The following EWSR1 variants were observed in gnomAD, a reference collection of about 807,000 sequenced individuals.
EWSR1 encodes EWS RNA binding protein 1, also known as RNA-binding protein EWS.
Under a neutral mutation model 92.1 loss-of-function variants are expected in EWSR1, and 14 were observed. The observed-to-expected ratio is 0.15, with a 90% CI of 0.10 to 0.24. The LOEUF (loss-of-function observed/expected upper bound fraction) is 0.24. Ranked by LOEUF, EWSR1 falls within the 10% of genes least tolerant of loss-of-function variation. EWSR1 has a pLI of 1.00. For synonymous variants in EWSR1, 303 were observed against 292.9 expected (o/e 1.03, Z -0.35); for missense variants, 637 against 870.9 (o/e 0.73, Z 3.38).
Position 29,292,263 on chromosome 22 carries a change from C to T in EWSR1, c.1045+94C>T, listed in dbSNP as rs2060495650. 5.6e-6 allele frequency: 7 copies of T among 1,255,474 alleles called. No individual in the cohort carries two copies. The South Asian group carries it at 7.2e-5, about 13-fold the overall frequency. 77.8% of individuals were successfully genotyped at this position (1,255,474 alleles called of 1,614,324 possible). A position where few individuals can be genotyped will look rare whatever the true frequency, so the allele number is the denominator to read the frequency against. On this transcript the variant is annotated intron_variant, in intron 10 of 16. Coordinates refer to ENST00000397938, the MANE Select transcript of EWSR1 (RefSeq NM_005243.4). The stretch of plus-strand genomic sequence containing the variant: ...CGTAGAGTTCAGCAGCCTTATAGAC[C>T]AGTGTGATATTCTTGCTGTCAAGGA...
chr22:29,277,901 G>C, intron 4 of EWSR1, 129 bp from the exon 5 acceptor site: 1 of 742,608 alleles, frequency 1.3e-6, no homozygotes, highest in South Asian at 2.3e-5. Context: ...CTTGCGGAAG[G>C]GGGAATATTT....
intron 11 of EWSR1, among the ~76,000 whole-genome samples, chr22:29,293,044 G>T (rs142796594): frequency 1.3e-5 from 2 of 151,902 alleles, no homozygotes; most frequent in African/African-American, 2.4e-5. Flanking sequence ...GATCCCCTAC[G>T]CCCGGCCTTC....
intron 8 of EWSR1, chr22:29,290,535 C>T: frequency 6.3e-7 from 1 of 1,583,752 alleles, no homozygotes; most frequent in African/African-American, 1.4e-5. Context: ...GAAAAATATA[C>T]ATAGAATATT....
intron 8 of EWSR1, chr22:29,290,042 A>G (rs1320894275): frequency 4.2e-6 from 1 of 238,528 alleles, no homozygotes; most frequent in African/African-American, 2.2e-5. Flanking sequence ...TAAATTGCAA[A>G]TACAATTTCA....
intron 5 of EWSR1, among the ~76,000 whole-genome samples, chr22:29,279,811 A>G (rs1441445349): frequency 6.6e-6 from 1 of 152,216 alleles, no homozygotes; most frequent in East Asian, 1.9e-4. Context: ...TATTCCTGAA[A>G]GGCCTCATTT....
chr22:29,280,595 C>T (rs1388718737), intron 5 of EWSR1, among the ~76,000 whole-genome samples: 1 of 151,540 alleles, frequency 6.6e-6, no homozygotes, highest in African/African-American at 2.4e-5. Flanking sequence ...ATTACGGAGA[C>T]TTTGAGCCAA....
chr22:29,298,082 A>G (rs900311505), intron 13 of EWSR1, 133 bp downstream of exon 13: 4 of 1,053,282 alleles, frequency 3.8e-6, no homozygotes, highest in Admixed American at 2.7e-5. Flanking sequence ...AGAGCTAACA[A>G]TGAATGTTTG....
At chr22:29,293,369 G>T (rs2060592977) in intron 11 of EWSR1, among the ~76,000 whole-genome samples, 1 of 152,074 alleles carries the variant, frequency 6.6e-6, no homozygotes, top group Non-Finnish European at 1.5e-5. Flanking sequence ...TTTTTCTTCA[G>T]GGATTTTGAC....
At chr22:29,272,639 T>C (rs994150945) in intron 3 of EWSR1, among the ~76,000 whole-genome samples, 1 of 152,222 alleles carries the variant, frequency 6.6e-6, no homozygotes, top group African/African-American at 2.4e-5. Flanking sequence ...ATTGACTCTT[T>C]ATAACTTTTT....
At chr22:29,270,811 ATTTAGT>A (rs2058616013) in intron 1 of EWSR1, among the ~76,000 whole-genome samples, 1 of 151,860 alleles carries the variant, frequency 6.6e-6, no homozygotes, top group African/African-American at 2.4e-5. Context: ...AATGATCTGC[ATTTAGT>A]TTTAATGTCA....
chr22:29,299,895 AGAG>A (rs1450806073), intron 16 of EWSR1, 44 bp downstream of exon 16: 6 of 1,533,156 alleles, frequency 3.9e-6, no homozygotes, highest in African/African-American at 1.4e-5. Context: ...AGGCACAGTA[AGAG>A]GACAGCCCTT....
At chr22:29,273,537 A>T (rs1428578050) in intron 3 of EWSR1, among the ~76,000 whole-genome samples, 2 of 152,192 alleles carry the variant, frequency 1.3e-5, no homozygotes, top group Non-Finnish European at 2.9e-5. Context: ...TCCGTAGCTA[A>T]CTTTACCATA....
intron 5 of EWSR1, among the ~76,000 whole-genome samples, chr22:29,280,861 T>G (rs1353917283): frequency 3.8e-4 from 42 of 111,310 alleles, no homozygotes; most frequent in African/African-American, 8.2e-4. Flanking sequence ...GTGTGTGTGT[T>G]GTTTTTTTTT....
Position 29,288,544 on chromosome 22 carries a change from A to C in EWSR1, c.794-62A>C, listed in dbSNP as rs1428849701. The stretch of plus-strand genomic sequence containing the variant: ...TTGAGGATTTTGTGATTCCAGGAGA[A>C]AGTACATCAGGCAGTGGTGTAAATG... On this transcript the variant is annotated intron_variant, in intron 7 of 16. Coordinates refer to ENST00000397938, the MANE Select transcript of EWSR1 (RefSeq NM_005243.4). 17 of 1,476,224 alleles carry C rather than the reference A, an allele frequency of 1.2e-5. No individual in the cohort carries two copies. The East Asian group carries it at 1.4e-4, about 12-fold the overall frequency. 91.4% of individuals were successfully genotyped at this position (1,476,224 alleles called of 1,614,324 possible).
At position 29,296,498 on chromosome 22, in the gene EWSR1, G is replaced by T. The variant is rs140065; in HGVS notation, c.1294+130G>T. The T allele has an allele frequency of 0.8, 840,898 of 1,045,356 alleles. 340,432 individuals carry two copies. The highest frequency in any genetic ancestry group is 0.96 in the East Asian group (39,607 of 41,246). The allele number at this position is 1,045,356 out of a possible 1,614,324, so 64.8% of individuals were successfully genotyped here. ...GGGGAGGTAGATGGCCGGTCTCCCT[G>T]CAGTAGTAGTAGCACCCAGCCATTG... is the stretch of plus-strand genomic sequence containing the variant. On this transcript the variant is annotated intron_variant, in intron 12 of 16. Coordinates refer to ENST00000397938, the MANE Select transcript of EWSR1 (RefSeq NM_005243.4).
intron 6 of EWSR1, 43 bp from the exon 7 acceptor site, chr22:29,286,880 T>C: frequency 6.5e-7 from 1 of 1,533,512 alleles, no homozygotes; most frequent in South Asian, 1.1e-5. Flanking sequence ...AACAAGCCTC[T>C]TTCTAAAAAA....
In EWSR1 at chr22:29,299,319, T is replaced by C; in HGVS notation, c.1666T>C (p.Phe556Leu). The C allele has an allele frequency of 6.2e-7, 1 of 1,613,634 alleles. No individual in the cohort carries two copies. The highest frequency in any genetic ancestry group is 8.5e-7 in the Non-Finnish European group (1 of 1,179,582). Residue 556 changes from phenylalanine to leucine, a missense_variant, in exon 15 of 17, where the codon TTT becomes CTT. Physicochemically the swap from Phe to Leu is conservative, Grantham distance 22 (BLOSUM62 0). Coordinates refer to ENST00000397938, the MANE Select transcript of EWSR1 (RefSeq NM_005243.4). ...PKPEGFLPPP[F>L]PPPGGDRGRG... ...GCCTGAAGGCTTCCTCCCGCCACCC[T>C]TTCCGCCCCCGGGTAGGTGCAGGTT... is the stretch of plus-strand genomic sequence containing the variant.
At chr22:29,272,351 T>TC (rs1375857354) in intron 2 of EWSR1, 29 bp from the exon 3 acceptor site, 1 of 1,613,970 alleles carries the variant, frequency 6.2e-7, no homozygotes, top group Admixed American at 1.7e-5. Flanking sequence ...TGTTCTCTAT[T>TC]CAAGTTATTG....
At chr22:29,297,231 A>G (rs2147764863) in intron 12 of EWSR1, among the ~76,000 whole-genome samples, 1 of 151,912 alleles carries the variant, frequency 6.6e-6, no homozygotes, top group Non-Finnish European at 1.5e-5. Flanking sequence ...GCTTACTGCA[A>G]CCTCCACCTC....
Sources: allele counts gnomAD v4.1 joint callset (sites outside exome capture counted in the v4.1 genomes callset), GRCh38; gene constraint gnomAD v4.1.1; transcripts MANE v1.5; gene names NCBI Gene and HGNC (gene_info 2026-07-23, HGNC 2026-07-21).